The following PTGER3 variants were observed in gnomAD, a reference collection of about 807,000 sequenced individuals.
PTGER3 encodes the protein prostaglandin E2 receptor EP3 subtype.
PTGER3 carries 22 observed loss-of-function variants against 34.7 expected under a neutral mutation model. The observed-to-expected ratio is 0.63, with a 90% CI of 0.45 to 0.91. PTGER3 has a LOEUF of 0.91. PTGER3 is among the 40% of genes least tolerant of loss of function. The probability of loss-of-function intolerance (pLI) is 0.00; values close to 1 mark genes in which losing one functional copy is unlikely to be tolerated. For synonymous variants in PTGER3, 241 were observed against 230.1 expected (o/e 1.05, Z -0.43); for missense variants, 468 against 519.4 (o/e 0.90, Z 0.96).
chr1:70,974,188 T>C lies in PTGER3; in HGVS notation c.1169+109A>G, dbSNP rs936024641. ...CTCTTAATCAGATGTATATGTTTAATTTGCATTTTAATTCTCAGAGATGGT... is the reference window on the plus strand; with the variant it reads ...CTCTTAATCAGATGTATATGTTTAACTTGCATTTTAATTCTCAGAGATGGT... On this transcript the variant is annotated intron_variant, in intron 3 of 3. Coordinates refer to ENST00000306666, the MANE Select transcript of PTGER3 (RefSeq NM_198719.2). 22 of 1,433,106 alleles carry C rather than the reference T, an allele frequency of 1.5e-5. 2 individuals are homozygous for C. In the East Asian group the frequency reaches 5.6e-4, roughly 36 times the overall value. 88.8% of individuals were successfully genotyped at this position (1,433,106 alleles called of 1,614,324 possible). A position where few individuals can be genotyped will look rare whatever the true frequency, so the allele number is the denominator to read the frequency against.
At chr1:70,898,557 C>A (rs1197546487) in intron 4 of PTGER3, among the ~76,000 whole-genome samples, 6 of 152,148 alleles carry the variant, frequency 3.9e-5, no homozygotes, top group Admixed American at 3.3e-4. Flanking sequence ...CTGCATCATG[C>A]AGAAAGAACA....
At chr1:70,910,396 T>C (rs931495818) in intron 4 of PTGER3, among the ~76,000 whole-genome samples, 2 of 152,178 alleles carry the variant, frequency 1.3e-5, no homozygotes, top group African/African-American at 4.8e-5. Context: ...TTTGTGACTT[T>C]ATTTTTTATT....
chr1:70,968,583 A>G (rs1572797423), downstream of PTGER3, among the ~76,000 whole-genome samples: 1 of 152,232 alleles, frequency 6.6e-6, no homozygotes, highest in East Asian at 1.9e-4. Context: ...CACATATAAC[A>G]TAATATAACA....
chr1:70,984,677 T>C (rs1239173422), intron 2 of PTGER3, among the ~76,000 whole-genome samples: 1 of 147,270 alleles, frequency 6.8e-6, no homozygotes, highest in Non-Finnish European at 1.5e-5. Flanking sequence ...CAGTGAACTA[T>C]GATTGTACCA....
intron 4 of PTGER3, among the ~76,000 whole-genome samples, chr1:70,871,397 C>T (rs74086980): frequency 0.11 from 17,155 of 152,106 alleles, 2,056 homozygotes; most frequent in African/African-American, 0.28. Flanking sequence ...ATCTCCAACA[C>T]TGGAGATTAC....
chr1:70,897,245 C>T, intron 4 of PTGER3, among the ~76,000 whole-genome samples: 1 of 152,142 alleles, frequency 6.6e-6, no homozygotes, highest in East Asian at 1.9e-4. Flanking sequence ...TGTCACATTT[C>T]CATTGCTTGA....
At chr1:70,982,574 G>A (rs1654486505) in intron 2 of PTGER3, among the ~76,000 whole-genome samples, 1 of 152,034 alleles carries the variant, frequency 6.6e-6, no homozygotes, top group African/African-American at 2.4e-5. Flanking sequence ...TTGTAAAATT[G>A]CTTCTTATTT....
chr1:71,034,614 T>C (rs1659671340), intron 1 of PTGER3, among the ~76,000 whole-genome samples: 1 of 152,154 alleles, frequency 6.6e-6, no homozygotes, highest in Admixed American at 6.5e-5. Context: ...TAAAAATAAA[T>C]GTAGTATTGC....
At chr1:71,036,838 CA>C (rs5775047) in intron 1 of PTGER3, among the ~76,000 whole-genome samples, 48 of 141,994 alleles carry the variant, frequency 3.4e-4, no homozygotes, top group Admixed American at 3.5e-4. Context: ...GACTTTGTCT[CA>C]AAAAAAAAAA....
At position 71,013,917 on chromosome 1, in the gene PTGER3, C is replaced by T. The variant is rs561304752; in HGVS notation, c.898-1433G>A. The stretch of plus-strand genomic sequence containing the variant: ...AGAAATGAGCTGAGTTTGTAACTGG[C>T]TCCTAAGTTTCCCATTCTAGACCTA... On this transcript the variant is annotated intron_variant, in intron 1 of 3. Coordinates refer to ENST00000306666, the MANE Select transcript of PTGER3 (RefSeq NM_198719.2). 3.2e-4 allele frequency among the ~76,000 whole-genome samples: 48 copies of T among 152,164 alleles called. No individual in the cohort carries two copies. The South Asian group carries it at 8.9e-3, about 28-fold the overall frequency.
intron 4 of PTGER3, among the ~76,000 whole-genome samples, chr1:70,890,086 C>T (rs112660084): frequency 0.034 from 5,110 of 152,224 alleles, 280 homozygotes; most frequent in African/African-American, 0.12. Flanking sequence ...TCAATGATTA[C>T]GGCTTAGTCT....
intron 2 of PTGER3, among the ~76,000 whole-genome samples, chr1:70,955,695 A>G (rs1330690111): frequency 6.6e-6 from 1 of 152,182 alleles, no homozygotes; most frequent in East Asian, 1.9e-4. Flanking sequence ...AGGAAATAAA[A>G]AAAGTTTTAT....
intron 2 of PTGER3, 100 bp downstream of exon 2, chr1:71,012,205 G>A (rs1042304558): frequency 1.2e-6 from 2 of 1,606,204 alleles, no homozygotes; most frequent in Non-Finnish European, 1.7e-6. Context: ...TGCAAGTTAA[G>A]TGTTTTCTTT....
intron 1 of PTGER3, among the ~76,000 whole-genome samples, chr1:71,046,332 C>T (rs979989932): frequency 1.3e-5 from 2 of 149,588 alleles, no homozygotes; most frequent in African/African-American, 4.9e-5. Flanking sequence ...CTACAGTTAT[C>T]ATAGCAATTC....
chr1:70,919,484 A>G (rs1358872034), intron 4 of PTGER3, among the ~76,000 whole-genome samples: 1 of 152,172 alleles, frequency 6.6e-6, no homozygotes, highest in East Asian at 1.9e-4. Flanking sequence ...TACAAAGCAT[A>G]TTTACCTAAA....
At chr1:70,990,931 A>G (rs1475339960) in intron 2 of PTGER3, among the ~76,000 whole-genome samples, 1 of 152,234 alleles carries the variant, frequency 6.6e-6, no homozygotes, top group South Asian at 2.1e-4. Flanking sequence ...TAGTGAAGGT[A>G]ACATTTAATT....
chr1:70,980,649 A>T (rs1047618920), intron 2 of PTGER3, among the ~76,000 whole-genome samples: 6 of 152,116 alleles, frequency 3.9e-5, no homozygotes, highest in African/African-American at 1.2e-4. Flanking sequence ...AATTTTTAAA[A>T]AAGGGGTTAA....
At chr1:70,891,033 A>G (rs1199454667) in intron 4 of PTGER3, among the ~76,000 whole-genome samples, 2 of 152,194 alleles carry the variant, frequency 1.3e-5, no homozygotes, top group Admixed American at 6.5e-5. Context: ...TCAACGTGCA[A>G]AACTCAGCTT....
At chr1:71,004,975 C>T (rs1557732639) in intron 2 of PTGER3, among the ~76,000 whole-genome samples, 1 of 152,236 alleles carries the variant, frequency 6.6e-6, no homozygotes, top group Non-Finnish European at 1.5e-5. Flanking sequence ...GGGTACATAG[C>T]ACCTGTTTAG....
Sources: gnomAD v4.1 joint callset for allele counts (sites outside exome capture counted in the v4.1 genomes callset) on GRCh38, gnomAD v4.1.1 for gene constraint, MANE v1.5 for transcripts, NCBI Gene and HGNC (gene_info 2026-07-23, HGNC 2026-07-21) for gene names.